FAM110B: variants seen among roughly 807,000 people sequenced by gnomAD.
FAM110B encodes the protein family with sequence similarity 110 member B.
In FAM110B, 6 loss-of-function variants were observed where a neutral mutation model predicts 20.4. That is an observed-to-expected ratio of 0.29 (90% CI 0.16 to 0.58). FAM110B has a LOEUF of 0.58. Ranked by LOEUF, FAM110B falls within the 20% of genes least tolerant of loss-of-function variation. The pLI, the probability that FAM110B is intolerant of heterozygous loss-of-function variation, is 0.90. For missense variants in FAM110B, 434 were observed against 498.2 expected (o/e 0.87, Z 1.23); for synonymous variants, 226 against 214.1 (o/e 1.06, Z -0.49).
At chr8:57,997,150 G>T (rs1214341133) in intron 1 of FAM110B, among the ~76,000 whole-genome samples, 1 of 152,188 alleles carries the variant, frequency 6.6e-6, no homozygotes, top group South Asian at 2.1e-4. Flanking sequence ...CAGTGGCTTG[G>T]CAGTAGATGG....
chr8:58,029,758 G>A (rs763580712), intron 1 of FAM110B, among the ~76,000 whole-genome samples: 6 of 152,230 alleles, frequency 3.9e-5, no homozygotes, highest in East Asian at 1.9e-4. Context: ...GCAGATGACC[G>A]TATGATCCCT....
chr8:58,132,226 C>G (rs1230749393), intron 3 of FAM110B, among the ~76,000 whole-genome samples: 2 of 152,088 alleles, frequency 1.3e-5, no homozygotes, highest in Non-Finnish European at 2.9e-5. Context: ...CTTCCTGCCT[C>G]TCACTCCCCC....
intron 3 of FAM110B, among the ~76,000 whole-genome samples, chr8:58,115,062 G>A (rs2980642): frequency 3.6e-3 from 546 of 150,354 alleles, no homozygotes; most frequent in Non-Finnish European, 5.1e-3. Flanking sequence ...TAGGCAAATC[G>A]ACTTTCCTCA....
intron 3 of FAM110B, among the ~76,000 whole-genome samples, chr8:58,118,195 AT>A (rs1807264012): frequency 6.6e-6 from 1 of 152,128 alleles, no homozygotes; most frequent in Non-Finnish European, 1.5e-5. Flanking sequence ...TTCTTCTCTT[AT>A]TTCTCCTTTC....
At chr8:58,135,006 C>G (rs1198678165) in intron 3 of FAM110B, among the ~76,000 whole-genome samples, 9 of 152,134 alleles carry the variant, frequency 5.9e-5, no homozygotes, top group Non-Finnish European at 8.8e-5. Context: ...AGCCATATTA[C>G]TTTAATATAA....
At chr8:58,000,174 G>T (rs1188923780) in intron 1 of FAM110B, among the ~76,000 whole-genome samples, 1 of 152,242 alleles carries the variant, frequency 6.6e-6, no homozygotes, top group Non-Finnish European at 1.5e-5. Context: ...ACCTGCCCTT[G>T]TGAGGAACAG....
At position 58,146,117 on chromosome 8, in the gene FAM110B, C is replaced by T. The variant is rs939272286; in HGVS notation, c.-114C>T. The T allele has an allele frequency of 8.7e-6, 11 of 1,264,288 alleles. No homozygotes were observed. In the Admixed American group the frequency reaches 2.8e-4, roughly 32 times the overall value. 78.3% of individuals were successfully genotyped at this position (1,264,288 alleles called of 1,614,324 possible). A position where few individuals can be genotyped will look rare whatever the true frequency, so the allele number is the denominator to read the frequency against. On this transcript the variant is annotated 5_prime_UTR_variant, in exon 4 of 4. Transcript: ENST00000519262. Reference sequence around the variant, plus strand: ...TGCTGCGGCCGCTGCTGCTGACACTCGCTCCCAGGCTGCACCCGCCGCCCT... The same window carrying T: ...TGCTGCGGCCGCTGCTGCTGACACTTGCTCCCAGGCTGCACCCGCCGCCCT...
chr8:58,082,662 T>C (rs1376274583), intron 3 of FAM110B, among the ~76,000 whole-genome samples: 1 of 152,062 alleles, frequency 6.6e-6, no homozygotes, highest in African/African-American at 2.4e-5. Flanking sequence ...GCACAGAATA[T>C]AGCAAACTAC....
intron 3 of FAM110B, among the ~76,000 whole-genome samples, chr8:58,122,004 C>T (rs1335976803): frequency 2.6e-5 from 4 of 152,068 alleles, no homozygotes; most frequent in East Asian, 1.9e-4. Flanking sequence ...TGAAGCACAC[C>T]CTCTGTAAGC....
At chr8:58,021,656 T>C (rs928828450) in intron 1 of FAM110B, among the ~76,000 whole-genome samples, 5 of 152,304 alleles carry the variant, frequency 3.3e-5, no homozygotes, top group Admixed American at 2.6e-4. Flanking sequence ...CACTGTGCTA[T>C]AAATGCTACC....
chr8:58,042,920 T>G (rs1426968837), intron 2 of FAM110B, among the ~76,000 whole-genome samples: 1 of 152,220 alleles, frequency 6.6e-6, no homozygotes, highest in Non-Finnish European at 1.5e-5. Flanking sequence ...CCTGGGAAAC[T>G]TTGCGTGGTG....
At chr8:58,040,779 T>C (rs1198798988) in intron 2 of FAM110B, among the ~76,000 whole-genome samples, 2 of 152,060 alleles carry the variant, frequency 1.3e-5, no homozygotes, top group Non-Finnish European at 2.9e-5. Context: ...AAAAAATCAG[T>C]TTTTAATGAG....
chr8:58,112,607 C>G (rs748131535), intron 3 of FAM110B, among the ~76,000 whole-genome samples: 1 of 152,242 alleles, frequency 6.6e-6, no homozygotes, highest in Non-Finnish European at 1.5e-5. Flanking sequence ...GGCCACGCCC[C>G]TGGGCTCTCC....
intron 1 of FAM110B, among the ~76,000 whole-genome samples, chr8:58,010,173 C>T (rs912412527): frequency 1.3e-5 from 2 of 151,362 alleles, no homozygotes; most frequent in Non-Finnish European, 2.9e-5. Context: ...CGCAACATGA[C>T]GCCCTGCTAG....
Position 58,147,034 on chromosome 8 carries a change from C to G in FAM110B, c.804C>G (p.Phe268Leu). Residue 268 changes from phenylalanine to leucine, a missense_variant, in exon 4 of 4, where the codon TTC becomes TTG. This residue lies in a region of FAM110B where 94 missense variants were observed against 137.8 expected (regional missense o/e 0.68). Coordinates refer to ENST00000519262, the MANE Select transcript of FAM110B (RefSeq NM_001377989.1). ...AGTCAGACTTGAGTGACAGATATTT[C>G]CGAGTGGACGCGGACGTGGAGAGGT... ...RSKSDLSDRY[F>L]RVDADVERFF... The G allele has an allele frequency of 6.2e-7, 1 of 1,614,214 alleles. No individual in the cohort carries two copies. The highest frequency in any genetic ancestry group is 1.1e-5 in the South Asian group (1 of 91,082).
intron 1 of FAM110B, among the ~76,000 whole-genome samples, chr8:58,004,670 G>C (rs189445355): frequency 2.0e-4 from 30 of 152,280 alleles, no homozygotes; most frequent in African/African-American, 7.2e-4. Context: ...GCTTGAGCCC[G>C]GGAAGCGGAG....
chr8:58,052,847 G>T (rs1288978890), intron 2 of FAM110B, among the ~76,000 whole-genome samples: 1 of 134,542 alleles, frequency 7.4e-6, no homozygotes, highest in Non-Finnish European at 1.5e-5. Context: ...GTGCAGTGGC[G>T]CGATCTCGGC....
chr8:58,006,604 ATT>A (rs773603784), intron 1 of FAM110B, among the ~76,000 whole-genome samples: 12 of 140,162 alleles, frequency 8.6e-5, no homozygotes, highest in African/African-American at 1.8e-4. Context: ...CCCTTAATTG[ATT>A]TTTTTTTTTT....
chr8:58,001,663 C>A (rs1309816740), intron 1 of FAM110B, among the ~76,000 whole-genome samples: 14 of 152,150 alleles, frequency 9.2e-5, no homozygotes, highest in Admixed American at 7.9e-4. Flanking sequence ...TGTGAGTTAT[C>A]CATAAAGGGA....
Sources: allele counts gnomAD v4.1 joint callset (sites outside exome capture counted in the v4.1 genomes callset), GRCh38; gene constraint gnomAD v4.1.1; regional missense constraint gnomAD v4.1.1; transcripts MANE v1.5; gene names NCBI Gene and HGNC (gene_info 2026-07-23, HGNC 2026-07-21).